The following OSBP2 variants were observed in gnomAD, a reference collection of about 807,000 sequenced individuals.
OSBP2 encodes oxysterol binding protein 2.
OSBP2 carries 66 observed loss-of-function variants against 96.0 expected under a neutral mutation model. That is an observed-to-expected ratio of 0.69 (90% CI 0.56 to 0.84). The LOEUF (loss-of-function observed/expected upper bound fraction) is 0.84, where lower values mean the gene tolerates loss of function less well. OSBP2 is among the 40% of genes least tolerant of loss of function. The pLI is 0.00. For missense variants in OSBP2, 1,038 were observed against 1,222.7 expected (o/e 0.85, Z 2.25); for synonymous variants, 525 against 520.9 (o/e 1.01, Z -0.11).
chr22:30,695,240 A>C lies in OSBP2; in HGVS notation c.331A>C (p.Ser111Arg). The C allele has an allele frequency of 6.2e-7, 1 of 1,613,498 alleles. No homozygotes were observed. Among genetic ancestry groups the C allele is most frequent in the East Asian group, 2.2e-5 (1 of 44,856 alleles). The change falls in exon 1 of 14, where the codon AGC becomes CGC. Residue 111 changes from serine (S) to arginine (R), a missense_variant. Physicochemically the swap from Ser to Arg is moderately radical, Grantham distance 110. Transcript: ENST00000332585. ...LQGSRPGSES[S>R]SGVGAGPFTK... ...GGGGTCGCGGCCGGGGTCAGAGTCA[A>C]GCTCAGGTGTAGGGGCTGGGCCCTT...
At chr22:30,809,829 A>G (rs1211802469) in intron 2 of OSBP2, among the ~76,000 whole-genome samples, 2 of 152,158 alleles carry the variant, frequency 1.3e-5, no homozygotes, top group Non-Finnish European at 2.9e-5. Context: ...GACGATATGG[A>G]TTTGCAAATG....
At chr22:30,813,961 T>C (rs1197164278) in intron 2 of OSBP2, among the ~76,000 whole-genome samples, 6 of 151,914 alleles carry the variant, frequency 3.9e-5, no homozygotes, top group Non-Finnish European at 7.4e-5. Context: ...TGCCATCACG[T>C]CCAGCAAATT....
intron 2 of OSBP2, among the ~76,000 whole-genome samples, chr22:30,816,164 A>G (rs141173550): frequency 6.4e-4 from 98 of 152,298 alleles, no homozygotes; most frequent in African/African-American, 2.1e-3. Context: ...TTATATAAGG[A>G]TACGCCAAGG....
intron 3 of OSBP2, among the ~76,000 whole-genome samples, chr22:30,884,066 A>G (rs2039759272): frequency 2.0e-5 from 3 of 152,104 alleles, no homozygotes; most frequent in African/African-American, 4.8e-5. Flanking sequence ...GGGGTCTGCA[A>G]ATTGTATGAT....
intron 2 of OSBP2, among the ~76,000 whole-genome samples, chr22:30,846,069 G>A (rs892273517): frequency 1.3e-5 from 2 of 152,052 alleles, no homozygotes; most frequent in Admixed American, 6.6e-5. Flanking sequence ...GTATACCTAG[G>A]AGTGGGATTG....
chr22:30,836,706 G>A (rs187605363), intron 2 of OSBP2, among the ~76,000 whole-genome samples: 1 of 152,304 alleles, frequency 6.6e-6, no homozygotes, highest in East Asian at 1.9e-4. Flanking sequence ...GAGCGAGTGG[G>A]ATGCAGCAGG....
At chr22:30,768,928 G>A (rs952722046) in intron 2 of OSBP2, among the ~76,000 whole-genome samples, 3 of 152,258 alleles carry the variant, frequency 2.0e-5, no homozygotes, top group Non-Finnish European at 4.4e-5. Context: ...AACTCAGGAT[G>A]TCACTAATCC....
At chr22:30,738,705 T>C (rs2089890976) in intron 1 of OSBP2, among the ~76,000 whole-genome samples, 1 of 151,970 alleles carries the variant, frequency 6.6e-6, no homozygotes, top group Non-Finnish European at 1.5e-5. Context: ...GGACTACAGG[T>C]ACCCGCCACC....
intron 1 of OSBP2, among the ~76,000 whole-genome samples, chr22:30,714,687 G>A (rs758289636): frequency 6.6e-5 from 10 of 152,082 alleles, no homozygotes; most frequent in African/African-American, 2.2e-4. Context: ...TGTGATCTTG[G>A]CTTACTGCAA....
At chr22:30,897,994 T>C (rs2040104131) in intron 12 of OSBP2, among the ~76,000 whole-genome samples, 2 of 149,390 alleles carry the variant, frequency 1.3e-5, no homozygotes, top group South Asian at 4.3e-4. Context: ...CTGGATGCAA[T>C]AAAAGCAATG....
At chr22:30,696,270 T>G (rs2089032575) in intron 1 of OSBP2, among the ~76,000 whole-genome samples, 1 of 152,202 alleles carries the variant, frequency 6.6e-6, no homozygotes, top group Admixed American at 6.5e-5. Flanking sequence ...AAGCCTCCCT[T>G]TGCTTTCTTA....
At chr22:30,864,102 C>G (rs942019887) in intron 2 of OSBP2, among the ~76,000 whole-genome samples, 1 of 152,004 alleles carries the variant, frequency 6.6e-6, no homozygotes, top group African/African-American at 2.4e-5. Context: ...TCTCGAGTAG[C>G]TGGGATTACA....
chr22:30,817,788 T>C (rs2091099174), intron 2 of OSBP2, among the ~76,000 whole-genome samples: 1 of 152,200 alleles, frequency 6.6e-6, no homozygotes, highest in Non-Finnish European at 1.5e-5. Flanking sequence ...GTTCACAGTC[T>C]GTTGTTGGAG....
chr22:30,772,649 T>C (rs546571962), intron 2 of OSBP2, among the ~76,000 whole-genome samples: 137 of 152,320 alleles, frequency 9.0e-4, no homozygotes, highest in Middle Eastern at 6.8e-3. Context: ...TTGAGGACAC[T>C]CTGAGGTCTG....
chr22:30,824,679 G>A (rs1028531577), intron 2 of OSBP2, among the ~76,000 whole-genome samples: 1 of 152,164 alleles, frequency 6.6e-6, no homozygotes, highest in Non-Finnish European at 1.5e-5. Flanking sequence ...ACGTCAAAGG[G>A]TATTCTGGTG....
chr22:30,859,190 C>T (rs763249681), intron 2 of OSBP2, among the ~76,000 whole-genome samples: 12 of 152,234 alleles, frequency 7.9e-5, no homozygotes, highest in East Asian at 7.7e-4. Context: ...GGAGAAGCCG[C>T]GCTGGCTGTC....
In OSBP2 at chr22:30,717,089, T is replaced by TG. The variant is rs1431390057; in HGVS notation, c.644+21536_644+21537insG. 1.0e-2 allele frequency among the ~76,000 whole-genome samples: 1,135 copies of TG among 113,648 alleles called. 36 individuals carry two copies. Among genetic ancestry groups the TG allele is most frequent in the Admixed American group, 0.081 (879 of 10,856 alleles). 74.6% of individuals were successfully genotyped at this position (113,648 alleles called of 152,430 possible). A position where few individuals can be genotyped will look rare whatever the true frequency, so the allele number is the denominator to read the frequency against. On this transcript the variant is annotated intron_variant, in intron 1 of 13. Coordinates refer to ENST00000332585, the MANE Select transcript of OSBP2 (RefSeq NM_030758.4). ...TCTATTTTGTTTTAATTTTACTGTT[T>TG]TTGTGTGTGTGTGTGTGTGTGTGTG...
At chr22:30,878,588 CTAGCTTGCAG>C (rs2039634379) in intron 3 of OSBP2, among the ~76,000 whole-genome samples, 1 of 152,184 alleles carries the variant, frequency 6.6e-6, no homozygotes, top group Admixed American at 6.5e-5. Context: ...GTGGGCAGAG[CTAGCTTGCAG>C]AGCTAGCTCG....
At chr22:30,728,962 T>C (rs1293880642) in intron 1 of OSBP2, among the ~76,000 whole-genome samples, 2 of 152,220 alleles carry the variant, frequency 1.3e-5, no homozygotes, top group African/African-American at 4.8e-5. Context: ...TGTGAACATT[T>C]TGGTACCTGC....
Sources: gnomAD v4.1 joint callset for allele counts (sites outside exome capture counted in the v4.1 genomes callset) on GRCh38, gnomAD v4.1.1 for gene constraint, MANE v1.5 for transcripts, NCBI Gene and HGNC (gene_info 2026-07-23, HGNC 2026-07-21) for gene names.